PARD3: variants seen among roughly 807,000 people sequenced by gnomAD.
The protein encoded by PARD3 is par-3 family cell polarity regulator.
PARD3 carries 75 observed loss-of-function variants against 155.4 expected under a neutral mutation model. The observed-to-expected ratio is 0.48, with a 90% CI of 0.40 to 0.58. The LOEUF (loss-of-function observed/expected upper bound fraction) is 0.58, where lower values mean the gene tolerates loss of function less well. PARD3 is among the 20% of genes least tolerant of loss of function. The pLI is 0.00. For missense variants in PARD3, 1,642 were observed against 1,721.7 expected (o/e 0.95, Z 0.82); for synonymous variants, 576 against 610.5 (o/e 0.94, Z 0.83).
At chr10:34,493,152 A>T (rs1469668746) in intron 3 of PARD3, among the ~76,000 whole-genome samples, 1 of 152,230 alleles carries the variant, frequency 6.6e-6, no homozygotes, top group Admixed American at 6.5e-5. Context: ...GCATTTGTGC[A>T]TATTTCCCTC....
chr10:34,587,603 G>A (rs528903895), intron 2 of PARD3, among the ~76,000 whole-genome samples: 3 of 152,012 alleles, frequency 2.0e-5, no homozygotes, highest in Non-Finnish European at 4.4e-5. Flanking sequence ...GCAAAAGAAG[G>A]GCAAGTTATA....
intron 1 of PARD3, among the ~76,000 whole-genome samples, chr10:34,737,253 A>C (rs1028038220): frequency 1.3e-5 from 2 of 152,178 alleles, no homozygotes; most frequent in African/African-American, 2.4e-5. Flanking sequence ...TGTGCCTTTC[A>C]CTTTTCAACA....
chr10:34,723,773 C>T (rs975005019), intron 1 of PARD3, among the ~76,000 whole-genome samples: 2 of 152,132 alleles, frequency 1.3e-5, no homozygotes, highest in Non-Finnish European at 2.9e-5. Flanking sequence ...TTGATCACGG[C>T]GATGCAGCGG....
chr10:34,113,246 G>A (rs1395704100), intron 24 of PARD3, among the ~76,000 whole-genome samples: 1 of 152,092 alleles, frequency 6.6e-6, no homozygotes, highest in Non-Finnish European at 1.5e-5. Context: ...GCTTCATGGA[G>A]CCCCAGGCTT....
intron 2 of PARD3, chr10:34,663,875 C>T (rs1285853560): frequency 6.6e-6 from 1 of 152,140 alleles, no homozygotes; most frequent in East Asian, 1.9e-4. Context: ...GGTGCAGTAG[C>T]TGGCCCTTGG....
rs936620454 is a variant in PARD3 at position 34,595,733 on chromosome 10, A to T, written c.223-78574T>A. Reference sequence around the variant, plus strand: ...ATTTTATTTTCACTTAGTTATTTCAAATATAAGGAATTCATTATTTAGGTT... The same window carrying T: ...ATTTTATTTTCACTTAGTTATTTCATATATAAGGAATTCATTATTTAGGTT... On this transcript the variant is annotated intron_variant, in intron 2 of 24. Coordinates refer to ENST00000374788, the MANE Select transcript of PARD3 (RefSeq NM_001184785.2). Among the ~76,000 whole-genome samples the T allele has an allele frequency of 3.3e-5, 5 of 152,164 alleles. No individual in the cohort carries two copies. The East Asian group carries it at 9.6e-4, about 29-fold the overall frequency.
chr10:34,291,051 C>T lies in PARD3; in HGVS notation c.3066-6806G>A, dbSNP rs1026157851. Among the ~76,000 whole-genome samples, 44 of 152,192 alleles carry T rather than the reference C, an allele frequency of 2.9e-4. 1 individual carries two copies. Among genetic ancestry groups the T allele is most frequent in the African/African-American group, 1.0e-3 (42 of 41,448 alleles). On this transcript the variant is annotated intron_variant, in intron 20 of 24. Transcript: ENST00000374788. ...TTCTCTGGGAAACTTTTAATTGATT[C>T]TTGTGCTTTTTCCACATTCTTGGTG... is the stretch of plus-strand genomic sequence containing the variant.
chr10:34,782,109 T>A (rs900931540), intron 1 of PARD3, among the ~76,000 whole-genome samples: 2 of 152,140 alleles, frequency 1.3e-5, no homozygotes, highest in African/African-American at 4.8e-5. Flanking sequence ...CATCTGTAAT[T>A]TTTTTCTTCC....
At chr10:34,261,776 GAAAGA>G (rs1223124327) in intron 22 of PARD3, among the ~76,000 whole-genome samples, 146 of 82,908 alleles carry the variant, frequency 1.8e-3, no homozygotes, top group African/African-American at 4.7e-3. Flanking sequence ...AAGGAAGAAA[GAAAGA>G]AAAGAAAGAA....
chr10:34,762,258 G>C (rs983164071), intron 1 of PARD3, among the ~76,000 whole-genome samples: 1 of 137,092 alleles, frequency 7.3e-6, no homozygotes, highest in African/African-American at 2.6e-5. Flanking sequence ...GGGAGGGAGA[G>C]GGAGAGAGAG....
chr10:34,686,501 C>T (rs554168098), intron 2 of PARD3, among the ~76,000 whole-genome samples: 7 of 150,800 alleles, frequency 4.6e-5, no homozygotes, highest in Admixed American at 2.0e-4. Context: ...TTTGGGAGGC[C>T]GAGGCGGGTG....
chr10:34,385,772 A>C (rs1216644707), intron 7 of PARD3, among the ~76,000 whole-genome samples: 1 of 152,150 alleles, frequency 6.6e-6, no homozygotes, highest in Non-Finnish European at 1.5e-5. Flanking sequence ...TTATATACAT[A>C]CCTTATCTCT....
chr10:34,557,876 A>G (rs1156646075), intron 2 of PARD3, among the ~76,000 whole-genome samples: 1 of 151,434 alleles, frequency 6.6e-6, no homozygotes, highest in Non-Finnish European at 1.5e-5. Context: ...TGAGACTTCA[A>G]TGAGCTATGA....
At chr10:34,245,485 ACAGGACTAAGAGGGAT>A (rs1336332807) in intron 22 of PARD3, among the ~76,000 whole-genome samples, 1 of 152,120 alleles carries the variant, frequency 6.6e-6, no homozygotes, top group African/African-American at 2.4e-5. Flanking sequence ...AAGGTAACAG[ACAGGACTAAGAGGGAT>A]CAAGGGGGCT....
intron 2 of PARD3, among the ~76,000 whole-genome samples, chr10:34,565,062 T>C (rs1240939344): frequency 1.3e-5 from 2 of 151,700 alleles, no homozygotes; most frequent in Admixed American, 6.6e-5. Context: ...CTCACTATGC[T>C]GAGCAATACT....
chr10:34,738,969 G>T (rs1263783940), intron 1 of PARD3, among the ~76,000 whole-genome samples: 1 of 152,178 alleles, frequency 6.6e-6, no homozygotes, highest in East Asian at 1.9e-4. Flanking sequence ...GGTAATGATT[G>T]ATATATCTGA....
At chr10:34,725,213 C>T (rs1047100232) in intron 1 of PARD3, among the ~76,000 whole-genome samples, 1 of 150,870 alleles carries the variant, frequency 6.6e-6, no homozygotes, top group Non-Finnish European at 1.5e-5. Context: ...AGTGCAGTGG[C>T]GTGATCTCAG....
intron 22 of PARD3, among the ~76,000 whole-genome samples, chr10:34,191,931 G>A (rs1950729694): frequency 6.6e-6 from 1 of 152,166 alleles, no homozygotes; most frequent in Admixed American, 6.5e-5. Context: ...GAGACTATAG[G>A]CTTACAGGCT....
At chr10:34,336,077 G>T in intron 18 of PARD3, 122 bp downstream of exon 18, 1 of 668,790 alleles carries the variant, frequency 1.5e-6, no homozygotes, top group African/African-American at 1.8e-5. Flanking sequence ...TTCTCACAAT[G>T]AAAACATCTG....
Sources: allele counts gnomAD v4.1 joint callset (sites outside exome capture counted in the v4.1 genomes callset), GRCh38; gene constraint gnomAD v4.1.1; transcripts MANE v1.5; gene names NCBI Gene and HGNC (gene_info 2026-07-23, HGNC 2026-07-21).